Variants in AKAP19 observed in about 807,000 individuals in gnomAD.
The protein encoded by AKAP19 is small A-kinase anchoring protein.
chr2:189,968,585 A>T, the AKAP19 span, among the ~76,000 whole-genome samples: 1 of 152,150 alleles, frequency 6.6e-6, no homozygotes, highest in African/African-American at 2.4e-5. Context: ...AGCAACAAAG[A>T]TTGTCTGGGA....
chr2:189,960,558 G>C, the AKAP19 span, among the ~76,000 whole-genome samples: 1 of 152,184 alleles, frequency 6.6e-6, no homozygotes, highest in African/African-American at 2.4e-5. Flanking sequence ...TAAAGCAAGA[G>C]TGACTCTACC....
the AKAP19 span, among the ~76,000 whole-genome samples, chr2:190,167,853 T>C: frequency 2.0e-5 from 3 of 152,324 alleles, no homozygotes; most frequent in Admixed American, 1.3e-4. Flanking sequence ...GCTGCTTTCA[T>C]GGGCTGGCGT....
chr2:190,126,656 A>G, the AKAP19 span, among the ~76,000 whole-genome samples: 1,398 of 152,300 alleles, frequency 9.2e-3, 16 homozygotes, highest in Non-Finnish European at 0.014. Context: ...TCTTGAATAC[A>G]TAATTGTTTA....
At chr2:190,139,908 C>T in the AKAP19 span, among the ~76,000 whole-genome samples, 1 of 152,168 alleles carries the variant, frequency 6.6e-6, no homozygotes, top group Admixed American at 6.5e-5. Flanking sequence ...TCCAAAGTCT[C>T]ATCTGAGACA....
chr2:190,064,379 C>T, the AKAP19 span, among the ~76,000 whole-genome samples: 3 of 151,962 alleles, frequency 2.0e-5, no homozygotes, highest in Admixed American at 6.6e-5. Context: ...CATTGTAACA[C>T]ATGCATCTAT....
At chr2:189,982,282 T>C in the AKAP19 span, among the ~76,000 whole-genome samples, 1 of 152,164 alleles carries the variant, frequency 6.6e-6, no homozygotes, top group African/African-American at 2.4e-5. Context: ...CTTTCTCTGA[T>C]TTAGTCTATT....
chr2:190,069,785 G>C, the AKAP19 span, among the ~76,000 whole-genome samples: 1 of 152,112 alleles, frequency 6.6e-6, no homozygotes, highest in African/African-American at 2.4e-5. Context: ...GTTTATGATA[G>C]GTACTATGCC....
chr2:189,947,526 G>A, the AKAP19 span, among the ~76,000 whole-genome samples: 2 of 152,010 alleles, frequency 1.3e-5, no homozygotes, highest in East Asian at 3.8e-4. Flanking sequence ...AAAGATGCAG[G>A]TTTGAATCCC....
the AKAP19 span, among the ~76,000 whole-genome samples, chr2:190,132,984 C>T: frequency 1.7e-4 from 26 of 152,040 alleles, no homozygotes; most frequent in Middle Eastern, 3.4e-3. Context: ...GGCCTGTAAT[C>T]CCAGCACTTT....
the AKAP19 span, among the ~76,000 whole-genome samples, chr2:190,072,833 T>C: frequency 2.4e-3 from 370 of 152,274 alleles, 4 homozygotes; most frequent in Non-Finnish European, 4.1e-3. Flanking sequence ...CCAAAACTTA[T>C]AGGAAACAAC....
the AKAP19 span, among the ~76,000 whole-genome samples, chr2:189,919,922 T>C: frequency 6.6e-6 from 1 of 152,176 alleles, no homozygotes; most frequent in African/African-American, 2.4e-5. Context: ...CTTTCAGGGC[T>C]TTGATATAAA....
chr2:189,918,684 A>T, the AKAP19 span, among the ~76,000 whole-genome samples: 1 of 152,190 alleles, frequency 6.6e-6, no homozygotes, highest in African/African-American at 2.4e-5. Flanking sequence ...TGAAAATGGT[A>T]GTCAAATATA....
the AKAP19 span, among the ~76,000 whole-genome samples, chr2:189,928,003 T>C: frequency 6.6e-6 from 1 of 152,180 alleles, no homozygotes; most frequent in Admixed American, 6.5e-5. Flanking sequence ...GATGATTTTT[T>C]TCCTGTTTCA....
chr2:190,050,957 C>A, the AKAP19 span, among the ~76,000 whole-genome samples: 3 of 152,112 alleles, frequency 2.0e-5, no homozygotes, highest in African/African-American at 7.2e-5. Flanking sequence ...TGGAGAGGAG[C>A]TTCATTAGAG....
chr2:189,923,795 C>G, the AKAP19 span: 1 of 1,612,440 alleles, frequency 6.2e-7, no homozygotes, highest in South Asian at 1.1e-5. Flanking sequence ...AAACACTTCA[C>G]AAAGGGGCAT....
chr2:190,021,812 G>T, the AKAP19 span, among the ~76,000 whole-genome samples: 2 of 152,126 alleles, frequency 1.3e-5, no homozygotes, highest in South Asian at 4.1e-4. Context: ...TCCTTTTTAG[G>T]TGTTGCCTTA....
chr2:189,954,659 T>C, the AKAP19 span, among the ~76,000 whole-genome samples: 1 of 152,218 alleles, frequency 6.6e-6, no homozygotes, highest in South Asian at 2.1e-4. Flanking sequence ...AACTAACACA[T>C]TTTTGCATCA....
At chr2:190,018,304 T>C in the AKAP19 span, among the ~76,000 whole-genome samples, 1 of 152,108 alleles carries the variant, frequency 6.6e-6, no homozygotes, top group Non-Finnish European at 1.5e-5. Flanking sequence ...TGATGATGTC[T>C]TATAATTTCT....
At chr2:190,136,175 A>G in the AKAP19 span, among the ~76,000 whole-genome samples, 2 of 152,346 alleles carry the variant, frequency 1.3e-5, no homozygotes, top group African/African-American at 4.8e-5. Context: ...TAGAGTGGCT[A>G]GAATCAGAAA....
Sources: allele counts gnomAD v4.1 joint callset (sites outside exome capture counted in the v4.1 genomes callset), GRCh38; gene constraint gnomAD v4.1.1; transcripts MANE v1.5; gene names NCBI Gene and HGNC (gene_info 2026-07-23, HGNC 2026-07-21).